Variants in PSD3 observed in about 807,000 individuals in gnomAD.
PSD3 encodes the protein PH and SEC7 domain-containing protein 3.
Under a neutral mutation model 105.5 loss-of-function variants are expected in PSD3, and 49 were observed. That is an observed-to-expected ratio of 0.46 (90% CI 0.37 to 0.59). The LOEUF (loss-of-function observed/expected upper bound fraction) is 0.59, where lower values mean the gene tolerates loss of function less well. Among genes scored for constraint, PSD3 ranks in the 20% least tolerant of loss-of-function variants. The pLI is 0.00. For missense variants in PSD3, 1,561 were observed against 1,263.8 expected, an observed-to-expected ratio of 1.24 and a Z score of -3.57; for synonymous variants, 557 against 457.8, an observed-to-expected ratio of 1.22 and a Z score of -2.77.
chr8:18,660,207 A>C (rs1335453703), intron 9 of PSD3, among the ~76,000 whole-genome samples: 9 of 152,178 alleles, frequency 5.9e-5, no homozygotes, highest in Non-Finnish European at 5.9e-5. Context: ...AGATTTAAGA[A>C]AGAAAAGAAG....
At chr8:18,643,200 A>C (rs141205030) in intron 10 of PSD3, among the ~76,000 whole-genome samples, 404 of 152,294 alleles carry the variant, frequency 2.7e-3, no homozygotes, top group African/African-American at 9.5e-3. Flanking sequence ...AGGGCAAGAA[A>C]GTGTGAGAGA....
chr8:18,872,535 C>G lies in PSD3; in HGVS notation c.329G>C (p.Gly110Ala), dbSNP rs369939885. The stretch of plus-strand genomic sequence containing the variant: ...GGGGGCCTCTCTGACATCTTTTGGT[C>G]CTTCTGTAACACTGTCGAGCCCAGA... ...CHSGLDSVTE[G>A]PKDVREAPSQ... Residue 110 changes from glycine to alanine, a missense_variant, in exon 3 of 16, where the codon GGA (glycine) becomes GCA (alanine). Gly to Ala is a moderately conservative substitution (Grantham distance 60). Transcript: ENST00000327040. 19 of 1,613,902 alleles carry G rather than the reference C, an allele frequency of 1.2e-5. No individual in the cohort carries two copies. In the Middle Eastern group the frequency reaches 4.9e-4, roughly 42 times the overall value.
At chr8:18,873,410 C>G (rs1817521528) in intron 2 of PSD3, among the ~76,000 whole-genome samples, 1 of 151,876 alleles carries the variant, frequency 6.6e-6, no homozygotes, top group African/African-American at 2.4e-5. Context: ...TTTATTTTCC[C>G]AATTGACAAA....
At chr8:18,795,591 G>T (rs1187905066) in intron 8 of PSD3, among the ~76,000 whole-genome samples, 1 of 152,204 alleles carries the variant, frequency 6.6e-6, no homozygotes, top group Non-Finnish European at 1.5e-5. Flanking sequence ...CTGGCCAGCT[G>T]ACTATGCTCT....
Position 18,599,969 on chromosome 8 carries a change from C to T in PSD3, c.2481+395G>A, listed in dbSNP as rs146222208. ...AAATAGAACAATGATAACAATATGC[C>T]ACCATCACTGTTCTCTGGGGCTAGT... is the stretch of plus-strand genomic sequence containing the variant. On this transcript the variant is annotated intron_variant, in intron 12 of 15. Coordinates refer to ENST00000327040, the MANE Select transcript of PSD3 (RefSeq NM_015310.4). Among the ~76,000 whole-genome samples, 45 of 152,210 alleles carry T rather than the reference C, an allele frequency of 3.0e-4. No homozygotes were observed. In the East Asian group the frequency reaches 5.2e-3, roughly 18 times the overall value.
In PSD3 at chr8:18,575,047, A is replaced by T; in HGVS notation, c.2639+81T>A. 4.2e-6 allele frequency: 6 copies of T among 1,420,048 alleles called. No individual in the cohort carries two copies. The South Asian group carries it at 8.5e-5, about 20-fold the overall frequency. 88.0% of individuals were successfully genotyped at this position (1,420,048 alleles called of 1,614,324 possible). ...TTCCAACTCAAAAAATTTCCCCTGC[A>T]GAGCTTGATTTTGTTCCTTGCAATA... On this transcript the variant is annotated intron_variant, in intron 13 of 15. Transcript: ENST00000327040.
chr8:19,053,739 A>G (rs79169289), intron 1 of PSD3, among the ~76,000 whole-genome samples: 1 of 152,288 alleles, frequency 6.6e-6, no homozygotes, highest in African/African-American at 2.4e-5. Context: ...AAAAAAAAAA[A>G]GTGACATGCT....
At position 19,003,938 on chromosome 8, in the gene PSD3, G is replaced by A. The variant is rs1342952909; in HGVS notation, c.21+9625C>T. ...ACTAAGGTCATCATTATTACCAGGT[G>A]AGATCAGTTTCCCAAACATTCCGAT... On this transcript the variant is annotated intron_variant, in intron 1 of 15. Coordinates refer to ENST00000327040, the MANE Select transcript of PSD3 (RefSeq NM_015310.4). Among the ~76,000 whole-genome samples the A allele has an allele frequency of 2.0e-5, 3 of 151,954 alleles. 1 individual carries two copies. Among genetic ancestry groups the A allele is most frequent in the Non-Finnish European group, 4.4e-5 (3 of 67,936 alleles).
chr8:18,846,312 C>T (rs1427895793), intron 4 of PSD3, among the ~76,000 whole-genome samples: 2 of 152,230 alleles, frequency 1.3e-5, no homozygotes, highest in Non-Finnish European at 2.9e-5. Flanking sequence ...CAAGTAGGCC[C>T]TTCAACCTGA....
At chr8:18,961,039 G>C (rs547587119) in intron 1 of PSD3, among the ~76,000 whole-genome samples, 2 of 152,214 alleles carry the variant, frequency 1.3e-5, no homozygotes, top group African/African-American at 4.8e-5. Flanking sequence ...AGTGAGCCGT[G>C]AGTAACAGAG....
At chr8:18,698,466 C>T (rs140352881) in intron 9 of PSD3, among the ~76,000 whole-genome samples, 302 of 151,838 alleles carry the variant, frequency 2.0e-3, no homozygotes, top group African/African-American at 7.0e-3. Context: ...TCAGAGAAGA[C>T]GGGATGACAG....
chr8:18,529,757 T>G lies in PSD3; in HGVS notation c.*5986A>C, dbSNP rs377449531. 6.6e-6 allele frequency: 1 copy of G among 152,618 alleles called. No homozygotes were observed. The highest frequency in any genetic ancestry group is 1.5e-5 in the Non-Finnish European group (1 of 68,034). 9.5% of individuals were successfully genotyped at this position (152,618 alleles called of 1,614,324 possible). A position where few individuals can be genotyped will look rare whatever the true frequency, so the allele number is the denominator to read the frequency against. On this transcript the variant is annotated 3_prime_UTR_variant, in exon 16 of 16. Transcript: ENST00000327040. ...ATGTTTAAAGTCCAAACATTTCAAA[T>G]GGTTAAGGCCCAAAAATGAAACGTT...
chr8:18,859,639 A>G lies in PSD3; in HGVS notation c.1634+8035T>C, dbSNP rs968437827. Among the ~76,000 whole-genome samples, 7 of 152,350 alleles carry G rather than the reference A, an allele frequency of 4.6e-5. No homozygotes were observed. In the South Asian group the frequency reaches 1.4e-3, roughly 32 times the overall value. On this transcript the variant is annotated intron_variant, in intron 4 of 15. Transcript: ENST00000327040. ...CTGGATAACTCACTGCAGCTTCTAC[A>G]TCAGCACTTGCTGCTTCGTCTAGTA...
chr8:18,944,842 G>T (rs539269301), intron 1 of PSD3, among the ~76,000 whole-genome samples: 44 of 152,168 alleles, frequency 2.9e-4, no homozygotes, highest in African/African-American at 9.6e-4. Flanking sequence ...TGTGTCTTTT[G>T]ACCTGTCCCC....
intron 9 of PSD3, among the ~76,000 whole-genome samples, chr8:18,764,304 A>G (rs1199596725): frequency 6.6e-6 from 1 of 152,198 alleles, no homozygotes; most frequent in East Asian, 1.9e-4. Context: ...GATGTAAAAC[A>G]TCTTTATCAC....
In PSD3 at chr8:18,989,162, G is replaced by A. The variant is rs1314862877; in HGVS notation, c.21+24401C>T. On this transcript the variant is annotated intron_variant, in intron 1 of 15. Coordinates refer to ENST00000327040, the MANE Select transcript of PSD3 (RefSeq NM_015310.4). ...TAAAAACACAAGGTAGCGGGGCTGA[G>A]TCTCAATAACCAGTGAGCACCTCCT... The A allele has an allele frequency of 3.9e-5, 6 of 152,220 alleles. No homozygotes were observed. In the South Asian group the frequency reaches 1.0e-3, roughly 26 times the overall value. 9.4% of individuals were successfully genotyped at this position (152,220 alleles called of 1,614,324 possible).
chr8:18,941,665 CTTT>C (rs869259596), intron 1 of PSD3, among the ~76,000 whole-genome samples: 3,822 of 107,624 alleles, frequency 0.036, 95 homozygotes, highest in East Asian at 0.16. Flanking sequence ...TGTAGAATGA[CTTT>C]TTTTTTTTTT....
chr8:18,802,724 C>T (rs1359873456), intron 6 of PSD3, among the ~76,000 whole-genome samples: 2 of 152,124 alleles, frequency 1.3e-5, no homozygotes, highest in Non-Finnish European at 2.9e-5. Context: ...TAAAGGGTTA[C>T]ACTAGATGAT....
intron 1 of PSD3, among the ~76,000 whole-genome samples, chr8:18,994,014 G>C (rs1419654163): frequency 1.3e-5 from 2 of 151,936 alleles, no homozygotes; most frequent in African/African-American, 2.4e-5. Context: ...GAGTTGAAGG[G>C]AGTGAGCTCT....
Sources: gnomAD v4.1 joint callset for allele counts (sites outside exome capture counted in the v4.1 genomes callset) on GRCh38, gnomAD v4.1.1 for gene constraint, MANE v1.5 for transcripts, NCBI Gene and HGNC (gene_info 2026-07-23, HGNC 2026-07-21) for gene names.